Variants in CAB39L observed in about 807,000 individuals in gnomAD.
CAB39L encodes calcium binding protein 39 like, also known as calcium-binding protein 39-like.
In CAB39L, 23 loss-of-function variants were observed where a neutral mutation model predicts 39.1. The observed-to-expected ratio is 0.59, with a 90% CI of 0.42 to 0.83. CAB39L has a LOEUF of 0.83. Ranked by LOEUF, CAB39L falls within the 40% of genes least tolerant of loss-of-function variation. The pLI is 0.00. For missense variants in CAB39L, 366 were observed against 391.9 expected (o/e 0.93, Z 0.56); for synonymous variants, 126 against 137.2 (o/e 0.92, Z 0.57).
At chr13:49,412,789 A>G (rs1191268364) in intron 3 of CAB39L, 1 of 152,186 alleles carries the variant, frequency 6.6e-6, no homozygotes, top group African/African-American at 2.4e-5. Context: ...AGGAGCCTGC[A>G]ACCTAGATCC....
chr13:49,382,771 A>G (rs766414049), intron 4 of CAB39L, 29 bp downstream of exon 4: 2 of 1,383,934 alleles, frequency 1.4e-6, no homozygotes, highest in Admixed American at 1.7e-5. Flanking sequence ...CATGTACTTT[A>G]ATCATAATGT....
In CAB39L at chr13:49,376,891, GTAGATAGATAGATAGA is replaced by G. The variant is rs111664849; in HGVS notation, c.276+60_276+75del. On this transcript the variant is annotated intron_variant, in intron 5 of 10. Transcript: ENST00000409308. ...CATAATGAAAAGCAAAAGTTGAATA[GTAGATAGATAGATAGA>G]TAGATAGATAGATATTAAAATTGAA... The G allele has an allele frequency of 1.3e-5, 10 of 787,372 alleles. No individual in the cohort carries two copies. The African/African-American group carries it at 1.5e-4, about 12-fold the overall frequency. The allele number at this position is 787,372 out of a possible 1,614,324, so 48.8% of individuals were successfully genotyped here.
chr13:49,419,862 G>C (rs1315855103), intron 3 of CAB39L, among the ~76,000 whole-genome samples: 5 of 151,914 alleles, frequency 3.3e-5, no homozygotes, highest in African/African-American at 4.8e-5. Flanking sequence ...TCATATAGAA[G>C]AATGCCACAG....
chr13:49,399,963 A>G (rs971093792), intron 3 of CAB39L, among the ~76,000 whole-genome samples: 1 of 149,708 alleles, frequency 6.7e-6, no homozygotes, highest in African/African-American at 2.4e-5. Context: ...TCAACAGTCT[A>G]AAAAAAAAAT....
At chr13:49,344,076 C>G (rs73485435) in intron 8 of CAB39L, 103 bp downstream of exon 8, 3 of 742,492 alleles carry the variant, frequency 4.0e-6, no homozygotes, top group Admixed American at 4.9e-5. Flanking sequence ...TGGTTGAATG[C>G]GACTGATTTC....
intron 5 of CAB39L, among the ~76,000 whole-genome samples, chr13:49,368,168 C>T (rs1347875692): frequency 1.3e-5 from 2 of 152,186 alleles, no homozygotes; most frequent in Non-Finnish European, 2.9e-5. Context: ...GTCACAAGAA[C>T]ATTCCATACA....
At chr13:49,433,268 C>T (rs1172388426) in intron 3 of CAB39L, 50 bp downstream of exon 3, 3 of 416,126 alleles carry the variant, frequency 7.2e-6, no homozygotes, top group South Asian at 3.5e-5. Context: ...ATAGTCTACA[C>T]GTCTGTCGAG....
chr13:49,405,525 A>G (rs7993917), intron 3 of CAB39L, among the ~76,000 whole-genome samples: 105,705 of 151,454 alleles, frequency 0.7, 37,247 homozygotes, highest in Middle Eastern at 0.86. Flanking sequence ...CTGTAATCCC[A>G]GCACTTTGGG....
intron 9 of CAB39L, among the ~76,000 whole-genome samples, chr13:49,338,431 C>T (rs1954908467): frequency 6.9e-6 from 1 of 145,296 alleles, no homozygotes; most frequent in South Asian, 2.2e-4. Flanking sequence ...TATTCTCACT[C>T]ATAGGTGGGA....
intron 7 of CAB39L, among the ~76,000 whole-genome samples, chr13:49,348,088 G>T (rs2138455618): frequency 1.3e-5 from 2 of 152,238 alleles, no homozygotes; most frequent in Middle Eastern, 6.8e-3. Context: ...CTGAATGGAG[G>T]CCTGTGGACA....
intron 9 of CAB39L, among the ~76,000 whole-genome samples, chr13:49,339,238 C>G (rs973624367): frequency 5.5e-5 from 8 of 146,614 alleles, no homozygotes; most frequent in Admixed American, 2.1e-4. Flanking sequence ...TCAAGCGATT[C>G]TCCTGCCTCA....
rs569765914 is a variant in CAB39L, at chr13:49,377,432, C to G, written c.112-301G>C. Among the ~76,000 whole-genome samples, 5 of 95,946 alleles carry G rather than the reference C, an allele frequency of 5.2e-5. 2 individuals carry two copies. Among genetic ancestry groups the G allele is most frequent in the Admixed American group, 4.6e-4 (5 of 10,942 alleles). 62.9% of individuals were successfully genotyped at this position (95,946 alleles called of 152,430 possible). A position where few individuals can be genotyped will look rare whatever the true frequency, so the allele number is the denominator to read the frequency against. ...CTCTCCCTCTGTCTCCCTCTCCCCA[C>G]GGTCTCCCTCTCATGCGGAGCCGAA... On this transcript the variant is annotated intron_variant, in intron 4 of 10. Transcript: ENST00000409308.
chr13:49,322,058 T>C (rs1954362330), intron 10 of CAB39L, among the ~76,000 whole-genome samples: 1 of 152,178 alleles, frequency 6.6e-6, no homozygotes, highest in African/African-American at 2.4e-5. Flanking sequence ...TATATTCACA[T>C]AGTTGTGCAA....
chr13:49,376,877 G>C (rs1368771158), intron 5 of CAB39L, 90 bp downstream of exon 5: 2 of 561,650 alleles, frequency 3.6e-6, no homozygotes, highest in African/African-American at 6.7e-5. Context: ...ATAATGAAAA[G>C]CAAAAGTTGA....
intron 10 of CAB39L, among the ~76,000 whole-genome samples, chr13:49,314,886 T>C (rs754276500): frequency 5.9e-5 from 9 of 152,176 alleles, no homozygotes; most frequent in Non-Finnish European, 1.0e-4. Context: ...AAATGGTACA[T>C]GGCACACAGC....
chr13:49,348,664 C>T (rs1002952847), intron 7 of CAB39L, among the ~76,000 whole-genome samples: 7 of 152,218 alleles, frequency 4.6e-5, no homozygotes, highest in African/African-American at 1.7e-4. Flanking sequence ...CACCCCCAGC[C>T]CACCCCAAGT....
intron 3 of CAB39L, among the ~76,000 whole-genome samples, chr13:49,429,589 A>C (rs1433981810): frequency 6.6e-6 from 1 of 152,218 alleles, no homozygotes; most frequent in Non-Finnish European, 1.5e-5. Context: ...CAAAACATAC[A>C]TACATTTTTT....
chr13:49,345,608 T>C (rs1311178009), intron 7 of CAB39L, among the ~76,000 whole-genome samples: 3 of 152,158 alleles, frequency 2.0e-5, no homozygotes, highest in Non-Finnish European at 4.4e-5. Flanking sequence ...TTGAGGTCCC[T>C]ACTCTTTTTT....
Position 49,310,901 on chromosome 13 carries a change from T to G in CAB39L, c.927A>C (p.Gln309His), listed in dbSNP as rs147754748. The change falls in exon 11 of 11, where the codon CAA (glutamine) becomes CAC (histidine). Residue 309 changes from glutamine to histidine, a missense_variant. Coordinates refer to ENST00000409308, the MANE Select transcript of CAB39L (RefSeq NM_001079670.3). ...PKLIEFLSSF[Q>H]KERTDDEQFA... ...ACTGCTCATCATCCGTCCTTTCTTTTTGGAAGCTGCTCAGAAACTCAATGA... is the reference window on the plus strand; with the variant it reads ...ACTGCTCATCATCCGTCCTTTCTTTGTGGAAGCTGCTCAGAAACTCAATGA... 597 of 1,614,188 alleles carry G rather than the reference T, an allele frequency of 3.7e-4. No individual in the cohort carries two copies. Among genetic ancestry groups the G allele is most frequent in the Middle Eastern group, 6.6e-4 (4 of 6,062 alleles).
Sources: gnomAD v4.1 joint callset for allele counts (sites outside exome capture counted in the v4.1 genomes callset) on GRCh38, gnomAD v4.1.1 for gene constraint, MANE v1.5 for transcripts, NCBI Gene and HGNC (gene_info 2026-07-23, HGNC 2026-07-21) for gene names.